The following FBP1 variants were observed in gnomAD, a reference collection of about 807,000 sequenced individuals.
The protein encoded by FBP1 is fructose-1,6-bisphosphatase 1.
In FBP1, 22 loss-of-function variants were observed where a neutral mutation model predicts 29.9. That is an observed-to-expected ratio of 0.74 (90% CI 0.53 to 1.05). The LOEUF (loss-of-function observed/expected upper bound fraction) is 1.05. Ranked by LOEUF, FBP1 falls within the 50% of genes least tolerant of loss-of-function variation. FBP1 has a pLI of 0.00. For synonymous variants in FBP1, 175 were observed against 178.6 expected, an observed-to-expected ratio of 0.98 and a Z score of 0.16; for missense variants, 345 against 448.2, an observed-to-expected ratio of 0.77 and a Z score of 2.08.
chr9:94,603,509 T>G lies in FBP1; in HGVS notation c.889A>C (p.Thr297Pro). Residue 297 changes from threonine to proline, a missense_variant, in exon 7 of 7, where the codon ACC becomes CCC. Thr to Pro is a conservative substitution (Grantham distance 38). Transcript: ENST00000375326. ...YVMEKAGGMA[T>P]TGKEAVLDVI... ...TCTAACACGGCCTCCTTCCCAGTGG[T>G]GGCCATTCCCCCAGCCTTCTCCATG... The G allele has an allele frequency of 6.2e-7, 1 of 1,614,062 alleles. No individual in the cohort carries two copies. The highest frequency in any genetic ancestry group is 8.5e-7 in the Non-Finnish European group (1 of 1,179,926).
At chr9:94,637,414 T>C (rs1828207890) in intron 1 of FBP1, among the ~76,000 whole-genome samples, 1 of 151,754 alleles carries the variant, frequency 6.6e-6, no homozygotes, top group African/African-American at 2.4e-5. Flanking sequence ...TTTTTTTTTT[T>C]TAAGACAAAG....
At position 94,605,484 on chromosome 9, in the gene FBP1, G is replaced by C. The variant is rs142811660; in HGVS notation, c.798C>G (p.Pro266=). The change falls in exon 6 of 7, where the codon CCC becomes CCG. Residue 266 remains proline (P), a synonymous_variant. Transcript: ENST00000375326. ...TLVYGGIFLY[P]ANKKSPNGKL... ...TTCCATTGGGGCTCTTCTTGTTAGC[G>C]GGGTACAGAAATATCCCTCCGTAGA... 6.2e-7 allele frequency: 1 copy of C among 1,613,780 alleles called. No individual in the cohort carries two copies. The highest frequency in any genetic ancestry group is 8.5e-7 in the Non-Finnish European group (1 of 1,179,958).
chr9:94,624,928 C>A (rs1424991711), intron 1 of FBP1, among the ~76,000 whole-genome samples: 1 of 151,982 alleles, frequency 6.6e-6, no homozygotes, highest in Non-Finnish European at 1.5e-5. Flanking sequence ...GGGAGAAAGT[C>A]CTTGTAAGGA....
At chr9:94,628,519 C>T (rs940491103) in intron 1 of FBP1, among the ~76,000 whole-genome samples, 55 of 152,124 alleles carry the variant, frequency 3.6e-4, no homozygotes, top group Non-Finnish European at 1.2e-4. Flanking sequence ...TGAGAAGTAG[C>T]AGGCAGCAAA....
At chr9:94,631,120 A>G (rs1342842284) in intron 1 of FBP1, among the ~76,000 whole-genome samples, 1 of 152,184 alleles carries the variant, frequency 6.6e-6, no homozygotes, top group African/African-American at 2.4e-5. Flanking sequence ...TTTCACTTCA[A>G]TTTTATTCAA....
intron 6 of FBP1, among the ~76,000 whole-genome samples, chr9:94,604,653 G>A (rs1769256): frequency 0.061 from 9,309 of 152,066 alleles, 383 homozygotes; most frequent in Non-Finnish European, 0.093. Flanking sequence ...GCGTGGTGGC[G>A]GGCACCTGTA....
chr9:94,613,265 T>A (rs1379686584), intron 3 of FBP1, among the ~76,000 whole-genome samples: 1 of 152,126 alleles, frequency 6.6e-6, no homozygotes, highest in Non-Finnish European at 1.5e-5. Context: ...TGAAAGATGT[T>A]CAGCTTAAAG....
chr9:94,607,054 G>A (rs987969694), intron 4 of FBP1, 102 bp from the exon 5 acceptor site: 12 of 1,491,398 alleles, frequency 8.0e-6, no homozygotes, highest in South Asian at 4.5e-5. Flanking sequence ...GGCTGGGGTC[G>A]CGGCGCACGG....
chr9:94,609,928 A>T lies in FBP1; in HGVS notation c.560T>A (p.Leu187Gln), dbSNP rs764121371. The change falls in exon 4 of 7, where the codon CTG becomes CAG. Residue 187 changes from leucine to glutamine, a missense_variant. Coordinates refer to ENST00000375326, the MANE Select transcript of FBP1 (RefSeq NM_000507.4). The stretch of plus-strand genomic sequence containing the variant: ...TCCTGTGAGGTCTCTCACCGGGTCC[A>T]GCATGAAGCAGTTGACCCCACAGTC... The part of the protein sequence containing the change: ...AMDCGVNCFM[L>Q]DPAIGEFILV... 6.2e-7 allele frequency: 1 copy of T among 1,614,180 alleles called. No homozygotes were observed. Among genetic ancestry groups the T allele is most frequent in the Admixed American group, 1.7e-5 (1 of 60,012 alleles).
At chr9:94,633,616 G>C (rs966765136) in intron 1 of FBP1, among the ~76,000 whole-genome samples, 1 of 152,092 alleles carries the variant, frequency 6.6e-6, no homozygotes, top group East Asian at 1.9e-4. Flanking sequence ...CGGTCCAGCC[G>C]CCGGGCCTTT....
Position 94,617,836 on chromosome 9 carries a change from G to T in FBP1, c.358C>A (p.Pro120Thr). 1.2e-6 allele frequency: 2 copies of T among 1,613,472 alleles called. No individual in the cohort carries two copies. Among genetic ancestry groups the T allele is most frequent in the Non-Finnish European group, 1.7e-6 (2 of 1,179,540 alleles). Residue 120 changes from proline (P) to threonine (T), a missense_variant, in exon 3 of 7, where the codon CCC (proline) becomes ACC (threonine). Physicochemically the swap from Pro to Thr is conservative, Grantham distance 38. Transcript: ENST00000375326. ...KRGKYVVCFDPLDGSSNIDCL... is the reference protein window; with the variant it reads ...KRGKYVVCFDTLDGSSNIDCL... ...TCGATGTTGGAAGATCCATCAAGGG[G>T]ATCAAAACAGACCACATATTTACCC...
chr9:94,607,719 G>A (rs1256999005), intron 4 of FBP1, among the ~76,000 whole-genome samples: 5 of 152,208 alleles, frequency 3.3e-5, no homozygotes, highest in Middle Eastern at 3.4e-3. Flanking sequence ...GAGGGTGATC[G>A]AGGCTCTGCC....
intron 4 of FBP1, among the ~76,000 whole-genome samples, chr9:94,609,183 C>T (rs1321124467): frequency 2.1e-5 from 3 of 140,440 alleles, no homozygotes; most frequent in Admixed American, 7.0e-5. Flanking sequence ...GGCAAGACTA[C>T]ATCTCAGAAA....
chr9:94,606,617 A>G (rs1827703923), intron 5 of FBP1, among the ~76,000 whole-genome samples, 198 bp downstream of exon 5: 1 of 151,704 alleles, frequency 6.6e-6, no homozygotes, highest in South Asian at 2.1e-4. Context: ...AGCCCAATCC[A>G]CTCCATCCCT....
rs28369722 is a variant in FBP1, at chr9:94,611,543, AG to A, written c.427-1483del. ...TAAGGTAGGAGGATCATTTGAGGCA[AG>A]GAGTTTGAGACCAGTTTGTGCAACA... On this transcript the variant is annotated intron_variant, in intron 3 of 6. Transcript: ENST00000375326. 7.9e-3 allele frequency among the ~76,000 whole-genome samples: 1,197 copies of A among 152,244 alleles called. 22 individuals are homozygous for A. Among genetic ancestry groups the A allele is most frequent in the African/African-American group, 0.028 (1,147 of 41,554 alleles).
At chr9:94,633,927 C>T (rs567285536) in intron 1 of FBP1, among the ~76,000 whole-genome samples, 75 of 151,238 alleles carry the variant, frequency 5.0e-4, no homozygotes, top group Non-Finnish European at 1.0e-3. Flanking sequence ...AGGATGGTCT[C>T]GATCTCCTGA....
chr9:94,607,598 C>G (rs983339111), intron 4 of FBP1, among the ~76,000 whole-genome samples: 2 of 152,114 alleles, frequency 1.3e-5, no homozygotes, highest in African/African-American at 4.8e-5. Flanking sequence ...TAAGCTTATG[C>G]CTTTAAGCTT....
intron 1 of FBP1, among the ~76,000 whole-genome samples, chr9:94,628,397 A>AAG (rs1828055939): frequency 6.6e-6 from 1 of 150,880 alleles, no homozygotes; most frequent in Non-Finnish European, 1.5e-5. Flanking sequence ...AAAAAAAAAA[A>AAG]TTTATCATAG....
At chr9:94,614,715 G>A (rs1400500307) in intron 3 of FBP1, among the ~76,000 whole-genome samples, 3 of 152,084 alleles carry the variant, frequency 2.0e-5, no homozygotes, top group Non-Finnish European at 2.9e-5. Flanking sequence ...ACCATGGTGC[G>A]ATTCTAGCCA....
Sources: gnomAD v4.1 joint callset for allele counts (sites outside exome capture counted in the v4.1 genomes callset) on GRCh38, gnomAD v4.1.1 for gene constraint, MANE v1.5 for transcripts, NCBI Gene and HGNC (gene_info 2026-07-23, HGNC 2026-07-21) for gene names.